The following APAF1 variants were observed in gnomAD, a reference collection of about 807,000 sequenced individuals.
APAF1 encodes the protein apoptotic protease-activating factor 1.
Under a neutral mutation model 152.4 loss-of-function variants are expected in APAF1, and 91 were observed. That is an observed-to-expected ratio of 0.60 (90% CI 0.50 to 0.71). The LOEUF (loss-of-function observed/expected upper bound fraction) is 0.71, where lower values mean the gene tolerates loss of function less well. Among genes scored for constraint, APAF1 ranks in the 30% least tolerant of loss-of-function variants. The pLI, the probability that APAF1 is intolerant of heterozygous loss-of-function variation, is 0.00. For missense variants in APAF1, 1,283 were observed against 1,472.0 expected, an observed-to-expected ratio of 0.87 and a Z score of 2.10; for synonymous variants, 484 against 494.1, an observed-to-expected ratio of 0.98 and a Z score of 0.27.
chr12:98,653,485 C>T (rs576673127), intron 4 of APAF1, among the ~76,000 whole-genome samples: 25 of 149,626 alleles, frequency 1.7e-4, no homozygotes, highest in Non-Finnish European at 3.6e-4. Flanking sequence ...GGTGAAACCC[C>T]GTCTCTACTA....
intron 2 of APAF1, 32 bp from the exon 3 acceptor site, chr12:98,648,591 CATT>C (rs745395636): frequency 6.2e-7 from 1 of 1,610,618 alleles, no homozygotes; most frequent in African/African-American, 1.3e-5. Context: ...CATACATATT[CATT>C]GTTGTATACT....
At chr12:98,671,130 A>ATTT in intron 11 of APAF1, 44 bp downstream of exon 11, 1 of 1,158,588 alleles carries the variant, frequency 8.6e-7, no homozygotes, top group Non-Finnish European at 1.3e-6. Context: ...AAGGAATCTC[A>ATTT]TTTTTTTTTA....
intron 13 of APAF1, 37 bp from the exon 14 acceptor site, chr12:98,680,240 G>A: frequency 6.5e-7 from 1 of 1,540,770 alleles, no homozygotes; most frequent in Non-Finnish European, 8.8e-7. Flanking sequence ...TAGTTAAGCA[G>A]TTTATTATAA....
chr12:98,692,988 C>T (rs552203010), intron 16 of APAF1, among the ~76,000 whole-genome samples: 1 of 152,062 alleles, frequency 6.6e-6, no homozygotes, highest in East Asian at 1.9e-4. Flanking sequence ...AGTCACCGAA[C>T]AAATTTACAT....
At chr12:98,655,285 G>A (rs1016869319) in intron 4 of APAF1, among the ~76,000 whole-genome samples, 12 of 145,428 alleles carry the variant, frequency 8.3e-5, no homozygotes, top group African/African-American at 2.9e-4. Context: ...CACCTTTCCC[G>A]CCTTTCTATT....
chr12:98,648,810 C>A lies in APAF1; in HGVS notation c.323C>A (p.Ser108Ter). 6.2e-7 allele frequency: 1 copy of A among 1,613,418 alleles called. No homozygotes were observed. Among genetic ancestry groups the A allele is most frequent in the Non-Finnish European group, 8.5e-7 (1 of 1,179,672 alleles). ...AAAGATTCAGTTAGTGGAATAACTT[C>A]GTATGGTTTGTATCCATTATACCTT... ...SGKDSVSGIT[S>*]YVRTVLCEGG... Residue 108 changes from serine (S) to a stop codon, truncating the protein, a stop_gained, in exon 3 of 27, where the codon TCG becomes TAG. Coordinates refer to ENST00000551964, the MANE Select transcript of APAF1 (RefSeq NM_181861.2). LOFTEE classifies it high-confidence loss of function.
At chr12:98,681,791 A>G (rs2097692488) in intron 14 of APAF1, among the ~76,000 whole-genome samples, 1 of 152,208 alleles carries the variant, frequency 6.6e-6, no homozygotes, top group Admixed American at 6.5e-5. Context: ...AAAAGGAAAT[A>G]ATAATGAGTT....
In APAF1 at chr12:98,666,037, T is replaced by C. The variant is rs948101214; in HGVS notation, c.1195-153T>C. On this transcript the variant is annotated intron_variant, in intron 8 of 26. Coordinates refer to ENST00000551964, the MANE Select transcript of APAF1 (RefSeq NM_181861.2). ...GCATCTGACTTCTCTTTCTCTTTTC[T>C]ATCTTGAGGAGTAGCTGAGTTTCTT... Among the ~76,000 whole-genome samples the C allele has an allele frequency of 2.6e-5, 4 of 152,222 alleles. No homozygotes were observed. In the East Asian group the frequency reaches 7.7e-4, roughly 29 times the overall value.
At chr12:98,667,468 T>C in intron 9 of APAF1, 45 bp from the exon 10 acceptor site, 1 of 1,605,974 alleles carries the variant, frequency 6.2e-7, no homozygotes, top group Non-Finnish European at 8.5e-7. Flanking sequence ...GATGCTTAGG[T>C]TATAAAATTG....
chr12:98,683,365 CT>C (rs1435445077), intron 15 of APAF1, 91 bp downstream of exon 15: 2 of 1,264,396 alleles, frequency 1.6e-6, no homozygotes, highest in Non-Finnish European at 2.3e-6. Context: ...ACTATTAGGA[CT>C]TTCTGGTCAC....
At chr12:98,698,366 A>C (rs931138065) in intron 16 of APAF1, among the ~76,000 whole-genome samples, 5 of 152,152 alleles carry the variant, frequency 3.3e-5, no homozygotes, top group African/African-American at 1.2e-4. Flanking sequence ...TTTTCATATT[A>C]ATAGGGAAAC....
At chr12:98,721,964 AT>A (rs1460581578) in intron 22 of APAF1, among the ~76,000 whole-genome samples, 3 of 152,072 alleles carry the variant, frequency 2.0e-5, no homozygotes, top group Non-Finnish European at 4.4e-5. Flanking sequence ...TTATCTTTTT[AT>A]TCTTTTGGAG....
intron 14 of APAF1, among the ~76,000 whole-genome samples, chr12:98,681,698 CACTCTGTAGTGTCT>C (rs896823916): frequency 3.0e-4 from 45 of 152,288 alleles, no homozygotes; most frequent in African/African-American, 1.0e-3. Flanking sequence ...ACAGTTAATT[CACTCTGTAGTGTCT>C]ACTCTGACTC....
In APAF1 at chr12:98,677,287, G is replaced by A. The variant is rs538639070; in HGVS notation, c.1794-138G>A. The A allele has an allele frequency of 7.0e-4, 591 of 843,492 alleles. 1 individual carries two copies. The highest frequency in any genetic ancestry group is 1.0e-3 in the Non-Finnish European group (547 of 537,422). The allele number at this position is 843,492 out of a possible 1,614,324, so 52.3% of individuals were successfully genotyped here. ...TGGTGATCTGTGCTGTCATTTGCATGTTAGTAATCTGATTTTAAGAATTTT... is the reference window on the plus strand; with the variant it reads ...TGGTGATCTGTGCTGTCATTTGCATATTAGTAATCTGATTTTAAGAATTTT... On this transcript the variant is annotated intron_variant, in intron 12 of 26. Coordinates refer to ENST00000551964, the MANE Select transcript of APAF1 (RefSeq NM_181861.2).
chr12:98,666,413 A>G, intron 9 of APAF1, 56 bp downstream of exon 9: 1 of 1,553,770 alleles, frequency 6.4e-7, no homozygotes. Flanking sequence ...ATAATTTTAG[A>G]TTTATTGAAA....
chr12:98,727,786 C>CA (rs2097752757), intron 26 of APAF1, among the ~76,000 whole-genome samples: 1 of 151,556 alleles, frequency 6.6e-6, no homozygotes, highest in African/African-American at 2.4e-5. Context: ...ACTAAAAATA[C>CA]AAAAAATAGC....
At chr12:98,653,689 A>ATATATAT (rs1335358276) in intron 4 of APAF1, among the ~76,000 whole-genome samples, 13 of 23,970 alleles carry the variant, frequency 5.4e-4, no homozygotes, top group Non-Finnish European at 4.1e-4. Flanking sequence ...AAAAAAAAAA[A>ATATATAT]AAATATATAT....
At chr12:98,722,929 A>G (rs1179563583) in intron 22 of APAF1, among the ~76,000 whole-genome samples, 1 of 151,942 alleles carries the variant, frequency 6.6e-6, no homozygotes, top group Admixed American at 6.6e-5. Context: ...ATCTTCTGGT[A>G]TAATTAACTG....
At chr12:98,696,440 C>T (rs1323929218) in intron 16 of APAF1, among the ~76,000 whole-genome samples, 3 of 152,178 alleles carry the variant, frequency 2.0e-5, no homozygotes, top group Non-Finnish European at 4.4e-5. Flanking sequence ...TATGAGGGAT[C>T]CACCCCCATG....
Sources: gnomAD v4.1 joint callset for allele counts (sites outside exome capture counted in the v4.1 genomes callset) on GRCh38, gnomAD v4.1.1 for gene constraint, MANE v1.5 for transcripts, NCBI Gene and HGNC (gene_info 2026-07-23, HGNC 2026-07-21) for gene names.